The following CLIC5 variants were observed in gnomAD, a reference collection of about 807,000 sequenced individuals.
CLIC5 encodes the protein CLIC family member 5, also known as chloride intracellular channel protein 5.
Under a neutral mutation model 24.7 loss-of-function variants are expected in CLIC5, and 20 were observed. The observed-to-expected ratio is 0.81, with a 90% CI of 0.57 to 1.18. The LOEUF (loss-of-function observed/expected upper bound fraction) is 1.18. Ranked by LOEUF, CLIC5 falls within the 50% of genes most tolerant of loss-of-function variation. CLIC5 has a pLI of 0.00. For synonymous variants in CLIC5, 159 were observed against 135.6 expected, an observed-to-expected ratio of 1.17 and a Z score of -1.20; for missense variants, 341 against 326.1, an observed-to-expected ratio of 1.05 and a Z score of -0.35.
At chr6:45,887,771 A>G (rs1762317861) in intron 6 of CLIC5, among the ~76,000 whole-genome samples, 1 of 152,228 alleles carries the variant, frequency 6.6e-6, no homozygotes, top group Non-Finnish European at 1.5e-5. Flanking sequence ...GTATGATGTA[A>G]CATAACGCGT....
intron 1 of CLIC5, among the ~76,000 whole-genome samples, chr6:46,075,129 T>C (rs1198501301): frequency 1.3e-5 from 2 of 152,256 alleles, no homozygotes; most frequent in Non-Finnish European, 2.9e-5. Flanking sequence ...AGCATTATCT[T>C]ATTTAATCTT....
In CLIC5 at chr6:45,914,643, G is replaced by GA. The variant is rs1459366345; in HGVS notation, c.407-235dup. 8.0e-6 allele frequency: 6 copies of GA among 748,954 alleles called. 1 individual carries two copies. The South Asian group carries it at 2.0e-4, about 25-fold the overall frequency. The allele number at this position is 748,954 out of a possible 1,614,324, so 46.4% of individuals were successfully genotyped here. A position where few individuals can be genotyped will look rare whatever the true frequency, so the allele number is the denominator to read the frequency against. On this transcript the variant is annotated intron_variant, in intron 4 of 5. Transcript: ENST00000339561. ...TAAACACTAGCTAATCTTTTGCTTT[G>GA]AAAAAAATACATAAATATAGAAACA...
At chr6:45,995,200 G>A in intron 1 of CLIC5, among the ~76,000 whole-genome samples, 1 of 152,184 alleles carries the variant, frequency 6.6e-6, no homozygotes, top group Non-Finnish European at 1.5e-5. Context: ...TTAACCATTA[G>A]TGCCTCAGTT....
At chr6:46,037,167 A>G (rs1767685815) in intron 1 of CLIC5, among the ~76,000 whole-genome samples, 1 of 152,182 alleles carries the variant, frequency 6.6e-6, no homozygotes, top group Admixed American at 6.5e-5. Flanking sequence ...CCGGTGAATG[A>G]TTATTCATTT....
chr6:45,974,771 G>A (rs1765331671), intron 1 of CLIC5, among the ~76,000 whole-genome samples: 1 of 151,994 alleles, frequency 6.6e-6, no homozygotes. Context: ...AATGTAGAAA[G>A]GTAACATGTG....
At chr6:46,106,735 C>G in the CLIC5 span, among the ~76,000 whole-genome samples, 1 of 152,226 alleles carries the variant, frequency 6.6e-6, no homozygotes, top group Non-Finnish European at 1.5e-5. Flanking sequence ...TAATCTTCCT[C>G]TAACACACCC....
intron 1 of CLIC5, among the ~76,000 whole-genome samples, chr6:46,055,136 C>T (rs1302526364): frequency 6.6e-6 from 1 of 152,150 alleles, no homozygotes; most frequent in Non-Finnish European, 1.5e-5. Context: ...GAGTCTCGCT[C>T]TTGTCACCCA....
chr6:46,045,347 G>A (rs1235827029), intron 1 of CLIC5, among the ~76,000 whole-genome samples: 1 of 152,028 alleles, frequency 6.6e-6, no homozygotes, highest in East Asian at 1.9e-4. Flanking sequence ...AATAACCACC[G>A]AGTTATTATT....
In CLIC5 at chr6:45,899,263, T is replaced by A. The variant is rs1489729381; in HGVS notation, c.*3825A>T. On this transcript the variant is annotated 3_prime_UTR_variant, in exon 6 of 6. Coordinates refer to ENST00000339561, the MANE Select transcript of CLIC5 (RefSeq NM_016929.5). Reference sequence around the variant, plus strand: ...CACATGTCTTTCTCTGATGCTTTCTTAAGATTCTCCTTAATGTCATTTAAA... The same window carrying A: ...CACATGTCTTTCTCTGATGCTTTCTAAAGATTCTCCTTAATGTCATTTAAA... 2 of 152,240 alleles carry A rather than the reference T, an allele frequency of 1.3e-5. No individual in the cohort carries two copies. The highest frequency in any genetic ancestry group is 4.8e-5 in the African/African-American group (2 of 41,470). 9.4% of individuals were successfully genotyped at this position (152,240 alleles called of 1,614,324 possible). A position where few individuals can be genotyped will look rare whatever the true frequency, so the allele number is the denominator to read the frequency against.
At chr6:46,083,658 G>A (rs1238268079), upstream of CLIC5, among the ~76,000 whole-genome samples, 1 of 152,226 alleles carries the variant, frequency 6.6e-6, no homozygotes, top group Non-Finnish European at 1.5e-5. Flanking sequence ...TATAATTTCT[G>A]TTCTTTTACT....
At chr6:45,967,047 T>C (rs1338249379) in intron 1 of CLIC5, among the ~76,000 whole-genome samples, 1 of 152,198 alleles carries the variant, frequency 6.6e-6, no homozygotes, top group Non-Finnish European at 1.5e-5. Flanking sequence ...CCAACCACAT[T>C]TGTTCTCTCC....
At chr6:46,112,717 G>A in the CLIC5 span, among the ~76,000 whole-genome samples, 5 of 152,130 alleles carry the variant, frequency 3.3e-5, no homozygotes, top group Non-Finnish European at 1.5e-5. Context: ...TGCAGCAAAG[G>A]TTCTGAGGCA....
chr6:46,095,029 T>C, the CLIC5 span, among the ~76,000 whole-genome samples: 3 of 152,186 alleles, frequency 2.0e-5, no homozygotes, highest in Non-Finnish European at 4.4e-5. Context: ...CCACCAGTCT[T>C]ATGGCTTACA....
In CLIC5 at chr6:45,882,116, C is replaced by T. The variant is rs752712788; in HGVS notation, c.624-928G>A. The stretch of plus-strand genomic sequence containing the variant: ...CTCACAGGATCAAAATGCACACTTG[C>T]GACTTTTCTTTGAAGTTCCTGGAGA... On this transcript the variant is annotated intron_variant, in intron 6 of 6. Coordinates refer to the CLIC5 transcript ENST00000644324. Among the ~76,000 whole-genome samples the T allele has an allele frequency of 6.6e-5, 10 of 152,320 alleles. No individual in the cohort carries two copies. The South Asian group carries it at 1.0e-3, about 16-fold the overall frequency.
chr6:45,974,483 CTG>C lies in CLIC5; in HGVS notation c.64-19241_64-19240del, dbSNP rs754615455. 3.2e-3 allele frequency among the ~76,000 whole-genome samples: 253 copies of C among 80,276 alleles called. 5 individuals carry two copies. Among genetic ancestry groups the C allele is most frequent in the African/African-American group, 8.0e-3 (173 of 21,688 alleles). The allele number at this position is 80,276 out of a possible 152,430, so 52.7% of individuals were successfully genotyped here. ...ATGTCTTGGGAAGCAGTGTTTACTACTGTGTGTGTGTGTGTATATATATATAT... is the reference window on the plus strand; with the variant it reads ...ATGTCTTGGGAAGCAGTGTTTACTACTGTGTGTGTGTGTATATATATATAT... On this transcript the variant is annotated intron_variant, in intron 1 of 5. Coordinates refer to ENST00000339561, the MANE Select transcript of CLIC5 (RefSeq NM_016929.5).
intron 1 of CLIC5, among the ~76,000 whole-genome samples, chr6:45,997,358 G>GT (rs1423754606): frequency 8.7e-6 from 1 of 114,858 alleles, no homozygotes; most frequent in African/African-American, 3.3e-5. Context: ...CTGTTGTGGG[G>GT]TGGGGGGAGG....
At chr6:46,043,106 C>T (rs574279581) in intron 1 of CLIC5, among the ~76,000 whole-genome samples, 21 of 152,252 alleles carry the variant, frequency 1.4e-4, no homozygotes, top group Non-Finnish European at 2.8e-4. Context: ...CTCCTAATGA[C>T]TTTGCGTCAT....
chr6:46,064,094 T>C (rs906812235), intron 1 of CLIC5, among the ~76,000 whole-genome samples: 1 of 152,112 alleles, frequency 6.6e-6, no homozygotes, highest in African/African-American at 2.4e-5. Flanking sequence ...AAAATTAGTA[T>C]ATAAGGACAT....
intron 4 of CLIC5, chr6:45,932,928 T>C (rs1763794582): frequency 6.6e-6 from 1 of 152,214 alleles, no homozygotes; most frequent in South Asian, 2.1e-4. Flanking sequence ...GTCATTGATA[T>C]TGTGTTAATA....
Sources: gnomAD v4.1 joint callset for allele counts (sites outside exome capture counted in the v4.1 genomes callset) on GRCh38, gnomAD v4.1.1 for gene constraint, MANE v1.5 for transcripts, NCBI Gene and HGNC (gene_info 2026-07-23, HGNC 2026-07-21) for gene names.